Variants in RNF213 observed in about 807,000 individuals in gnomAD.
RNF213 encodes the protein E3 ubiquitin-protein ligase RNF213.
RNF213 carries 341 observed loss-of-function variants against 514.4 expected under a neutral mutation model. That is an observed-to-expected ratio of 0.66 (90% CI 0.61 to 0.73). The LOEUF is 0.73. RNF213 is among the 30% of genes least tolerant of loss of function. The pLI is 0.00. For missense variants in RNF213, 5,767 were observed against 6,615.6 expected, an observed-to-expected ratio of 0.87 and a Z score of 4.45; for synonymous variants, 2,655 against 2,658.2, an observed-to-expected ratio of 1.00 and a Z score of 0.04.
Position 80,390,017 on chromosome 17 carries a change from A to G in RNF213, c.15291A>G (p.Pro5097=), listed in dbSNP as rs1456088632. Residue 5097 remains proline (P), a synonymous_variant, in exon 67 of 68, where the codon CCA becomes CCG. Transcript: ENST00000582970. ...TTGCTCTTCCGTCGTTTTAGGAGCC[A>G]TTTGGGGAAATCAGTTCAAGGTACA... ...SEQLLRLHKE[P]FGEISSRYKA... is the part of the protein sequence containing the mutation. 1 of 1,614,214 alleles carries G rather than the reference A, an allele frequency of 6.2e-7. No homozygotes were observed. The highest frequency in any genetic ancestry group is 1.1e-5 in the South Asian group (1 of 91,086).
In RNF213 at chr17:80,288,920, G is replaced by A. The variant is rs1272418410; in HGVS notation, c.933+165G>A. ...TCACATTCCAGCGGAGAGAGAGTCA[G>A]GAAACCGACTTCAGCGGTGAGAAGA... On this transcript the variant is annotated intron_variant, in intron 5 of 67. Coordinates refer to ENST00000582970, the MANE Select transcript of RNF213 (RefSeq NM_001256071.3). The surrounding 1 kb of genome is among the most constrained non-coding windows in gnomAD (Gnocchi z 4.9). 1.3e-5 allele frequency among the ~76,000 whole-genome samples: 2 copies of A among 152,228 alleles called. No individual in the cohort carries two copies. Among genetic ancestry groups the A allele is most frequent in the Non-Finnish European group, 2.9e-5 (2 of 68,042 alleles).
At chr17:80,363,393 C>A in intron 40 of RNF213, 79 bp downstream of exon 40, 1 of 1,453,340 alleles carries the variant, frequency 6.9e-7, no homozygotes, top group Non-Finnish European at 9.6e-7. Flanking sequence ...GCTTCTGGGG[C>A]TGTGTTCCAA....
At chr17:80,271,181 C>T (rs1033222413) in intron 2 of RNF213, among the ~76,000 whole-genome samples, 2 of 152,128 alleles carry the variant, frequency 1.3e-5, no homozygotes, top group Non-Finnish European at 2.9e-5. Context: ...CAGCAGCTCT[C>T]GAAGGATGGG....
intron 3 of RNF213, among the ~76,000 whole-genome samples, chr17:80,286,130 G>C (rs1255119546): frequency 1.3e-5 from 2 of 152,170 alleles, no homozygotes; most frequent in Non-Finnish European, 2.9e-5. Context: ...TTTCAGCAGT[G>C]GTGCTTGCTC....
chr17:80,325,363 G>A (rs1451137961), intron 18 of RNF213, among the ~76,000 whole-genome samples, 165 bp downstream of exon 18: 1 of 152,156 alleles, frequency 6.6e-6, no homozygotes, highest in Non-Finnish European at 1.5e-5. Flanking sequence ...GGCTCAGAGT[G>A]TCTTGCGTTG....
rs895029306 is a variant in RNF213 at position 80,372,724 on chromosome 17, G to A, written c.12741G>A (p.Glu4247=). ...CTGCAGATTTCCTCTCGGAGCCTGA[G>A]GGAGGCCCAGGCAAGTCTTCTCTGC... ...DRAADFLSEP[E]GGPEMAKEKQ... is the part of the protein sequence containing the mutation. The change falls in exon 48 of 68, where the codon GAG becomes GAA. Residue 4247 remains glutamate (E), a synonymous_variant. Coordinates refer to ENST00000582970, the MANE Select transcript of RNF213 (RefSeq NM_001256071.3). 5.0e-6 allele frequency: 8 copies of A among 1,613,210 alleles called. No individual in the cohort carries two copies. The African/African-American group carries it at 1.1e-4, about 22-fold the overall frequency.
At chr17:80,357,674 T>C (rs1009576551) in intron 36 of RNF213, among the ~76,000 whole-genome samples, 6 of 152,210 alleles carry the variant, frequency 3.9e-5, no homozygotes, top group African/African-American at 1.4e-4. Context: ...TTATGCAGCC[T>C]TGCAAAAAAT....
intron 38 of RNF213, among the ~76,000 whole-genome samples, chr17:80,360,972 G>A (rs927325691): frequency 6.6e-6 from 1 of 151,956 alleles, no homozygotes; most frequent in Non-Finnish European, 1.5e-5. Flanking sequence ...TGCGAATTAG[G>A]GGCTGCACCC....
intron 2 of RNF213, among the ~76,000 whole-genome samples, chr17:80,272,623 G>C (rs2043862450): frequency 6.6e-6 from 1 of 152,178 alleles, no homozygotes; most frequent in Non-Finnish European, 1.5e-5. Flanking sequence ...CTGCCTCCCA[G>C]CACTGGCATA....
intron 36 of RNF213, among the ~76,000 whole-genome samples, chr17:80,356,399 C>G (rs568705376): frequency 6.6e-6 from 1 of 152,360 alleles, no homozygotes; most frequent in Non-Finnish European, 1.5e-5. Context: ...GTTCACGCAG[C>G]ACTAGGCCTG....
At position 80,364,297 on chromosome 17, in the gene RNF213, A is replaced by G; in HGVS notation, c.11751-136A>G. Reference sequence around the variant, plus strand: ...GGGCGGGCCAGGAAGTATGTCACATAGGGCTTGCTTGTAATCCCAGCCGCT... The same window carrying G: ...GGGCGGGCCAGGAAGTATGTCACATGGGGCTTGCTTGTAATCCCAGCCGCT... On this transcript the variant is annotated intron_variant, in intron 41 of 67. Transcript: ENST00000582970. The G allele has an allele frequency of 2.5e-6, 3 of 1,193,070 alleles. No homozygotes were observed. The South Asian group carries it at 3.8e-5, about 15-fold the overall frequency. The allele number at this position is 1,193,070 out of a possible 1,614,324, so 73.9% of individuals were successfully genotyped here. A position where few individuals can be genotyped will look rare whatever the true frequency, so the allele number is the denominator to read the frequency against.
At position 80,306,469 on chromosome 17, in the gene RNF213, G is replaced by A. The variant is rs1433848406; in HGVS notation, c.2427+1G>A. 6.2e-7 allele frequency: 1 copy of A among 1,613,848 alleles called. No individual in the cohort carries two copies. Among genetic ancestry groups the A allele is most frequent in the Non-Finnish European group, 8.5e-7 (1 of 1,179,960 alleles). The stretch of plus-strand genomic sequence containing the variant: ...ACTTGAGCAAGTCTTGAATACGCAG[G>A]TTTGTGTCTGAAGTCGGCTCTGGAG... On this transcript the variant is annotated splice_donor_variant, in intron 12 of 67. Transcript: ENST00000582970. LOFTEE classifies it high-confidence loss of function.
intron 56 of RNF213, chr17:80,381,200 T>A: frequency 3.2e-6 from 2 of 632,370 alleles, no homozygotes; most frequent in Admixed American, 5.0e-5. Context: ...CAGAATCCAC[T>A]TCAAATTAAC....
intron 3 of RNF213, among the ~76,000 whole-genome samples, chr17:80,281,499 ACTC>A (rs2044283048): frequency 1.4e-5 from 1 of 70,214 alleles, no homozygotes; most frequent in Non-Finnish European, 2.6e-5. Flanking sequence ...CATACACCCC[ACTC>A]ACACACACAC....
At position 80,388,659 on chromosome 17, in the gene RNF213, CTT is replaced by C. The variant is rs1390499554; in HGVS notation, c.14972_14973del (p.Phe4991TyrfsTer18). On this transcript the variant is annotated frameshift_variant, in exon 64 of 68. Coordinates refer to ENST00000582970, the MANE Select transcript of RNF213 (RefSeq NM_001256071.3). LOFTEE classifies it high-confidence loss of function. ...YRHDWNYEHL[F>X]MDIKNKMAQD... ...GACACGACTGGAACTATGAACATCT[CTT>C]TATGGACATCAAGAACAAAATGGCA... 1.2e-6 allele frequency: 2 copies of C among 1,612,710 alleles called. No individual in the cohort carries two copies. The highest frequency in any genetic ancestry group is 1.1e-5 in the South Asian group (1 of 91,054).
rs753467321 is a variant in RNF213, at chr17:80,381,537, GC to G, written c.13798-5del. 1 of 1,613,874 alleles carries G rather than the reference GC, an allele frequency of 6.2e-7. No individual in the cohort carries two copies. The highest frequency in any genetic ancestry group is 8.5e-7 in the Non-Finnish European group (1 of 1,179,866). On this transcript the variant is annotated splice_polypyrimidine_tract_variant and intron_variant, in intron 56 of 67. Coordinates refer to ENST00000582970, the MANE Select transcript of RNF213 (RefSeq NM_001256071.3). ...TCCCCGCTGAACACTCTGTTCCGTT[GC>G]CCCCACAGGCTCTGATAAACATCAT...
Position 80,374,591 on chromosome 17 carries a change from TA to T in RNF213, c.13074+3del. The T allele has an allele frequency of 6.2e-7, 1 of 1,614,038 alleles. No homozygotes were observed. The highest frequency in any genetic ancestry group is 8.5e-7 in the Non-Finnish European group (1 of 1,179,974). ...CTGGGCATTAAGACTGCTCTGAAGG[TA>T]GGATGGGCCCGTGGCTTCTCTCTGA... On this transcript the variant is annotated splice_donor_region_variant and intron_variant, in intron 50 of 67. Coordinates refer to ENST00000582970, the MANE Select transcript of RNF213 (RefSeq NM_001256071.3).
In RNF213 at chr17:80,350,400, T is replaced by G; in HGVS notation, c.10184+4T>G. 6.3e-7 allele frequency: 1 copy of G among 1,583,954 alleles called. No homozygotes were observed. The highest frequency in any genetic ancestry group is 1.1e-5 in the South Asian group (1 of 90,444). ...CCCAGCTCATTGCCTCAGCTAAGTA[T>G]GTTTTTAGTATTTTTCTCAGAAACT... On this transcript the variant is annotated splice_donor_region_variant and intron_variant, in intron 31 of 67. Coordinates refer to ENST00000582970, the MANE Select transcript of RNF213 (RefSeq NM_001256071.3).
chr17:80,292,347 T>C (rs1425884037), intron 8 of RNF213, among the ~76,000 whole-genome samples: 1 of 151,978 alleles, frequency 6.6e-6, no homozygotes. Flanking sequence ...GGATTACAGG[T>C]GTAAGCCACT....
Sources: allele counts gnomAD v4.1 joint callset (sites outside exome capture counted in the v4.1 genomes callset), GRCh38; gene constraint gnomAD v4.1.1; non-coding constraint Gnocchi (gnomAD v3.1); transcripts MANE v1.5; gene names NCBI Gene and HGNC (gene_info 2026-07-23, HGNC 2026-07-21).